UGT3A1: variants seen among roughly 807,000 people sequenced by gnomAD.
The protein encoded by UGT3A1 is UDP glycosyltransferase family 3 member A1.
UGT3A1 carries 40 observed loss-of-function variants against 37.6 expected under a neutral mutation model. That is an observed-to-expected ratio of 1.06 (90% CI 0.83 to 1.38). UGT3A1 has a LOEUF of 1.38. Among genes scored for constraint, UGT3A1 ranks in the 40% most tolerant of loss-of-function variants. The probability of loss-of-function intolerance (pLI) is 0.00; values close to 1 mark genes in which losing one functional copy is unlikely to be tolerated. For missense variants in UGT3A1, 642 were observed against 634.2 expected (o/e 1.01, Z -0.13); for synonymous variants, 256 against 232.3 (o/e 1.10, Z -0.93).
In UGT3A1 at chr5:35,965,613, T is replaced by C; in HGVS notation, c.616A>G (p.Met206Val). 6.2e-7 allele frequency: 1 copy of C among 1,614,048 alleles called. No individual in the cohort carries two copies. The highest frequency in any genetic ancestry group is 8.5e-7 in the Non-Finnish European group (1 of 1,180,002). ...TGGCTCCTGGAGAAACTAAAGAACATCAGAAAATTCTTCACTCGGCCCCAG... is the reference window on the plus strand; with the variant it reads ...TGGCTCCTGGAGAAACTAAAGAACACCAGAAAATTCTTCACTCGGCCCCAG... ...DFWGRVKNFLMFFSFSRSQWD... is the reference protein window; with the variant it reads ...DFWGRVKNFLVFFSFSRSQWD... The change falls in exon 4 of 7, where the codon ATG (methionine) becomes GTG (valine). Residue 206 changes from methionine to valine, a missense_variant. By Grantham distance (21) the Met-to-Val change is conservative. Coordinates refer to ENST00000274278, the MANE Select transcript of UGT3A1 (RefSeq NM_152404.4).
chr5:35,956,811 A>G (rs1036552923), intron 5 of UGT3A1, among the ~76,000 whole-genome samples: 4 of 152,196 alleles, frequency 2.6e-5, no homozygotes, highest in African/African-American at 7.2e-5. Flanking sequence ...GCCACAGAAC[A>G]GGGGCAACAT....
chr5:35,962,710 C>T (rs1739636493), intron 4 of UGT3A1: 1 of 585,068 alleles, frequency 1.7e-6, no homozygotes, highest in South Asian at 2.1e-5. Context: ...GATGGTATCA[C>T]AATGAATGGT....
intron 5 of UGT3A1, 78 bp from the exon 6 acceptor site, chr5:35,955,942 T>G: frequency 7.1e-7 from 1 of 1,402,126 alleles, no homozygotes; most frequent in Non-Finnish European, 1.0e-6. Context: ...AAAAGTCAGA[T>G]GAAACACCAA....
chr5:35,991,601 A>G, upstream of UGT3A1: 1 of 1,029,230 alleles, frequency 9.7e-7, no homozygotes, highest in Non-Finnish European at 1.2e-6. Context: ...ACGTTAATGA[A>G]GGCTCCATCC....
At position 35,954,065 on chromosome 5, in the gene UGT3A1, G is replaced by T. The variant is rs1739258022; in HGVS notation, c.*137C>A. The T allele has an allele frequency of 1.1e-6, 1 of 940,950 alleles. No individual in the cohort carries two copies. The allele number at this position is 940,950 out of a possible 1,614,324, so 58.3% of individuals were successfully genotyped here. On this transcript the variant is annotated 3_prime_UTR_variant, in exon 7 of 7. Transcript: ENST00000274278. ...GCGTGAAGATTTCTAAACAGAGGCAGAGAATAGAAAGAAGCAAGTTGCAGG... is the reference window on the plus strand; with the variant it reads ...GCGTGAAGATTTCTAAACAGAGGCATAGAATAGAAAGAAGCAAGTTGCAGG...
In UGT3A1 at chr5:35,966,112, C is replaced by T. The variant is rs141998512; in HGVS notation, c.312-195G>A. 5.6e-3 allele frequency among the ~76,000 whole-genome samples: 846 copies of T among 152,274 alleles called. 10 individuals are homozygous for T. Among genetic ancestry groups the T allele is most frequent in the African/African-American group, 0.019 (806 of 41,552 alleles). ...CAGATATTTCTGCTCTCTAAAATGT[C>T]CCCACTTGCTCCCATCCTATTTCTT... On this transcript the variant is annotated intron_variant, in intron 3 of 6. Transcript: ENST00000274278.
At position 35,965,575 on chromosome 5, in the gene UGT3A1, C is replaced by T. The variant is rs1365192421; in HGVS notation, c.654G>A (p.Gln218=). The change falls in exon 4 of 7, where the codon CAG becomes CAA. Residue 218 remains glutamine (Q), a synonymous_variant. Coordinates refer to ENST00000274278, the MANE Select transcript of UGT3A1 (RefSeq NM_152404.4). ...FSFSRSQWDM[Q]STFDNTIKEH... ...CCTTGATGGTGTTGTCAAATGTAGA[C>T]TGCATGTCCCATTGGCTCCTGGAGA... 1.2e-6 allele frequency: 2 copies of T among 1,614,096 alleles called. No individual in the cohort carries two copies. Among genetic ancestry groups the T allele is most frequent in the African/African-American group, 2.7e-5 (2 of 74,926 alleles).
chr5:35,988,364 T>A, intron 2 of UGT3A1, 86 bp downstream of exon 2: 1 of 970,328 alleles, frequency 1.0e-6, no homozygotes, highest in South Asian at 1.8e-5. Context: ...TTCAAAGAAG[T>A]TTTTACTATG....
At chr5:35,986,565 C>G (rs758479952) in intron 2 of UGT3A1, among the ~76,000 whole-genome samples, 1 of 151,904 alleles carries the variant, frequency 6.6e-6, no homozygotes, top group Non-Finnish European at 1.5e-5. Context: ...GTGAAATAAG[C>G]CAAGCATAGA....
intron 2 of UGT3A1, among the ~76,000 whole-genome samples, chr5:35,980,091 G>A (rs1173430942): frequency 2.6e-5 from 4 of 152,128 alleles, no homozygotes; most frequent in Non-Finnish European, 5.9e-5. Context: ...ATATCAGACT[G>A]TGCCCAGCTT....
chr5:35,969,938 A>C (rs1376926639), intron 2 of UGT3A1, among the ~76,000 whole-genome samples: 1 of 152,212 alleles, frequency 6.6e-6, no homozygotes, highest in Non-Finnish European at 1.5e-5. Flanking sequence ...AGACTGGATA[A>C]TTTATAGAGG....
chr5:35,957,377 C>T lies in UGT3A1; in HGVS notation c.886G>A (p.Val296Ile). Residue 296 changes from valine (V) to isoleucine (I), a missense_variant, in exon 5 of 7, where the codon GTC becomes ATC. Physicochemically the swap from Val to Ile is conservative, Grantham distance 29. Coordinates refer to ENST00000274278, the MANE Select transcript of UGT3A1 (RefSeq NM_152404.4). The stretch of plus-strand genomic sequence containing the variant: ...AACATGGAGCCAAAGGCCACAAGGA[C>T]AAACCCTGCATCCCCAAAGTTGGCA... ...FIANFGDAGF[V>I]LVAFGSMLNT... is the part of the protein sequence containing the mutation. 6.2e-7 allele frequency: 1 copy of T among 1,614,144 alleles called. No homozygotes were observed. Among genetic ancestry groups the T allele is most frequent in the Non-Finnish European group, 8.5e-7 (1 of 1,180,030 alleles).
intron 2 of UGT3A1, among the ~76,000 whole-genome samples, chr5:35,972,883 C>A (rs1460701304): frequency 1.2e-5 from 1 of 84,308 alleles, no homozygotes; most frequent in Non-Finnish European, 3.6e-5. Flanking sequence ...TCTTTGTCTG[C>A]CCTGAAAAAA....
intron 2 of UGT3A1, among the ~76,000 whole-genome samples, chr5:35,981,113 T>C (rs1580951885): frequency 6.6e-6 from 1 of 152,248 alleles, no homozygotes; most frequent in East Asian, 1.9e-4. Flanking sequence ...TGAAGACCTG[T>C]TGCTTGGAGA....
At chr5:35,982,304 A>C (rs1486140739) in intron 2 of UGT3A1, among the ~76,000 whole-genome samples, 1 of 152,172 alleles carries the variant, frequency 6.6e-6, no homozygotes, top group Non-Finnish European at 1.5e-5. Flanking sequence ...AGCTGCAGGC[A>C]CTCAACAACA....
At chr5:35,985,058 C>A (rs1164087553) in intron 2 of UGT3A1, among the ~76,000 whole-genome samples, 2 of 93,328 alleles carry the variant, frequency 2.1e-5, no homozygotes, top group Non-Finnish European at 4.3e-5. Flanking sequence ...ATGAATCTTA[C>A]CGGAAAATAA....
At chr5:35,980,051 T>C (rs1740456762) in intron 2 of UGT3A1, among the ~76,000 whole-genome samples, 1 of 152,226 alleles carries the variant, frequency 6.6e-6, no homozygotes, top group Non-Finnish European at 1.5e-5. Context: ...GAATTCAAGA[T>C]GAGATTCTGG....
chr5:35,979,469 A>G (rs1400824376), intron 2 of UGT3A1, among the ~76,000 whole-genome samples: 5 of 152,108 alleles, frequency 3.3e-5, no homozygotes, highest in Non-Finnish European at 7.4e-5. Flanking sequence ...GGGCAGGGGC[A>G]AAGAGTGACC....
intron 1 of UGT3A1, among the ~76,000 whole-genome samples, chr5:35,999,829 C>T (rs1741180066): frequency 2.0e-5 from 3 of 152,136 alleles, no homozygotes; most frequent in African/African-American, 7.2e-5. Flanking sequence ...CTCAAAATTA[C>T]AAGTATGTTT....
Sources: gnomAD v4.1 joint callset for allele counts (sites outside exome capture counted in the v4.1 genomes callset) on GRCh38, gnomAD v4.1.1 for gene constraint, MANE v1.5 for transcripts, NCBI Gene and HGNC (gene_info 2026-07-23, HGNC 2026-07-21) for gene names.